Variants in CEP78 observed in about 807,000 individuals in gnomAD.
CEP78 encodes the protein centrosomal protein 78, also known as centrosomal protein of 78 kDa.
In CEP78, 76 loss-of-function variants were observed where a neutral mutation model predicts 81.2. The observed-to-expected ratio is 0.94, with a 90% CI of 0.78 to 1.13. The LOEUF (loss-of-function observed/expected upper bound fraction) is 1.13. Among genes scored for constraint, CEP78 ranks in the 50% most tolerant of loss-of-function variants. The pLI is 0.00. For synonymous variants in CEP78, 293 were observed against 301.4 expected (o/e 0.97, Z 0.29); for missense variants, 918 against 846.8 (o/e 1.08, Z -1.04).
Position 78,278,318 on chromosome 9 carries a change from C to A in CEP78, c.*7467C>A, listed in dbSNP as rs1279058019. The A allele has an allele frequency of 6.6e-6, 1 of 152,198 alleles. No individual in the cohort carries two copies. The highest frequency in any genetic ancestry group is 1.5e-5 in the Non-Finnish European group (1 of 68,030). The allele number at this position is 152,198 out of a possible 1,614,324, so 9.4% of individuals were successfully genotyped here. A position where few individuals can be genotyped will look rare whatever the true frequency, so the allele number is the denominator to read the frequency against. ...ATGAAAATGAGCTTTGCTACATAAC[C>A]TCTTTTCAGAGCTTTGTATTCCTGA... On this transcript the variant is annotated 3_prime_UTR_variant, in exon 17 of 17. Transcript: ENST00000643273.
rs1250613900 is a variant in CEP78, at chr9:78,275,593, G to A, written c.*4742G>A. 4.1e-5 allele frequency: 5 copies of A among 123,256 alleles called. No homozygotes were observed. The highest frequency in any genetic ancestry group is 9.6e-5 in the Admixed American group (1 of 10,422). 7.6% of individuals were successfully genotyped at this position (123,256 alleles called of 1,614,324 possible). Reference sequence around the variant, plus strand: ...GCACTCTAGCCTGGGAGACAAGAGGGAAACTCTGTCTCCAAAAAAAAAAAA... The same window carrying A: ...GCACTCTAGCCTGGGAGACAAGAGGAAAACTCTGTCTCCAAAAAAAAAAAA... On this transcript the variant is annotated 3_prime_UTR_variant, in exon 17 of 17. Coordinates refer to ENST00000643273, the MANE Select transcript of CEP78 (RefSeq NM_001330691.3).
rs1372113471 is a variant in CEP78, at chr9:78,275,862, G to A, written c.*5011G>A. ...CTCAGGAGGCTGAAGTGGGAGGATC[G>A]CTTGAGGCCGGGATTCGAGGCTGCA... is the stretch of plus-strand genomic sequence containing the variant. On this transcript the variant is annotated 3_prime_UTR_variant, in exon 17 of 17. Coordinates refer to ENST00000643273, the MANE Select transcript of CEP78 (RefSeq NM_001330691.3). The A allele has an allele frequency of 3.3e-5, 5 of 152,258 alleles. No homozygotes were observed. Among genetic ancestry groups the A allele is most frequent in the Non-Finnish European group, 7.3e-5 (5 of 68,206 alleles). The allele number at this position is 152,258 out of a possible 1,614,324, so 9.4% of individuals were successfully genotyped here. A position where few individuals can be genotyped will look rare whatever the true frequency, so the allele number is the denominator to read the frequency against.
rs1432750381 is a variant in CEP78, at chr9:78,275,121, A to G, written c.*4270A>G. 1.3e-5 allele frequency: 2 copies of G among 152,222 alleles called. No individual in the cohort carries two copies. Among genetic ancestry groups the G allele is most frequent in the African/African-American group, 2.4e-5 (1 of 41,466 alleles). 9.4% of individuals were successfully genotyped at this position (152,222 alleles called of 1,614,324 possible). A position where few individuals can be genotyped will look rare whatever the true frequency, so the allele number is the denominator to read the frequency against. On this transcript the variant is annotated 3_prime_UTR_variant, in exon 17 of 17. Coordinates refer to ENST00000643273, the MANE Select transcript of CEP78 (RefSeq NM_001330691.3). ...TTTTAGAAGGATACCTACAACTAGA[A>G]GAGATATTTTTAATTATGAGCACTT...
rs1318988091 is a variant in CEP78 at position 78,240,035 on chromosome 9, A to G, written c.266A>G (p.Asn89Ser). 2.5e-6 allele frequency: 4 copies of G among 1,574,926 alleles called. No homozygotes were observed. The highest frequency in any genetic ancestry group is 2.6e-6 in the Non-Finnish European group (3 of 1,168,886). ...ATCTTTGTTTTAGGTTCTGACATGA[A>G]TAAATTTTGCAGAAGTCGTGTTCCT... is the stretch of plus-strand genomic sequence containing the variant. ...PWLGDTGSDM[N>S]KFCRSRVPAI... is the part of the protein sequence containing the mutation. The change falls in exon 2 of 17, where the codon AAT (asparagine) becomes AGT (serine). Residue 89 changes from asparagine (N) to serine (S), a missense_variant. Asn to Ser is a conservative substitution (Grantham distance 46). Coordinates refer to ENST00000643273, the MANE Select transcript of CEP78 (RefSeq NM_001330691.3).
intron 13 of CEP78, among the ~76,000 whole-genome samples, chr9:78,264,821 T>C (rs1296755689): frequency 6.6e-6 from 1 of 152,200 alleles, no homozygotes; most frequent in Non-Finnish European, 1.5e-5. Context: ...GTTTGAGATA[T>C]TAAAATTGTT....
At position 78,246,661 on chromosome 9, in the gene CEP78, A is replaced by G. The variant is rs1040280976; in HGVS notation, c.779-8A>G. On this transcript the variant is annotated splice_polypyrimidine_tract_variant and splice_region_variant and intron_variant, in intron 5 of 16. Transcript: ENST00000643273. ...ATTAGCAAGTGACCCTTTGTCTTTC[A>G]TCGAAAGCTCTTGACCTGCAACAGT... is the stretch of plus-strand genomic sequence containing the variant. 7 of 1,562,670 alleles carry G rather than the reference A, an allele frequency of 4.5e-6. No homozygotes were observed. Among genetic ancestry groups the G allele is most frequent in the Admixed American group, 2.0e-5 (1 of 50,048 alleles).
chr9:78,271,127 A>G lies in CEP78; in HGVS notation c.*276A>G, dbSNP rs1382540830. The G allele has an allele frequency of 3.0e-6, 1 of 330,314 alleles. No homozygotes were observed. The highest frequency in any genetic ancestry group is 5.5e-6 in the Non-Finnish European group (1 of 183,356). 20.5% of individuals were successfully genotyped at this position (330,314 alleles called of 1,614,324 possible). Reference sequence around the variant, plus strand: ...CAAAATGGCTCCGAAGAGGAACTGAAGTTAAGCTGCCCACATGATCTCTCT... The same window carrying G: ...CAAAATGGCTCCGAAGAGGAACTGAGGTTAAGCTGCCCACATGATCTCTCT... On this transcript the variant is annotated 3_prime_UTR_variant, in exon 17 of 17. Coordinates refer to ENST00000643273, the MANE Select transcript of CEP78 (RefSeq NM_001330691.3).
intron 11 of CEP78, among the ~76,000 whole-genome samples, chr9:78,259,804 C>G (rs1827194437): frequency 6.6e-6 from 1 of 152,022 alleles, no homozygotes; most frequent in African/African-American, 2.4e-5. Flanking sequence ...ATCTGAATTT[C>G]CAAAAAATAA....
chr9:78,240,065 T>A lies in CEP78; in HGVS notation c.296T>A (p.Ile99Lys), dbSNP rs887687984. 6.9e-6 allele frequency: 11 copies of A among 1,584,228 alleles called. No homozygotes were observed. Among genetic ancestry groups the A allele is most frequent in the Non-Finnish European group, 8.5e-6 (10 of 1,173,112 alleles). The change falls in exon 2 of 17, where the codon ATA becomes AAA. Residue 99 changes from isoleucine (I) to lysine (K), a missense_variant. Transcript: ENST00000643273. ...TTTTGCAGAAGTCGTGTTCCTGCGA[T>A]AAGATACAAAGATGTGACCTTCCAG... ...NKFCRSRVPA[I>K]RYKDVTFQLC... is the part of the protein sequence containing the mutation.
intron 2 of CEP78, 34 bp from the exon 3 acceptor site, chr9:78,240,258 C>T (rs1289176334): frequency 6.2e-7 from 1 of 1,611,086 alleles, no homozygotes; most frequent in South Asian, 1.1e-5. Flanking sequence ...AAAAAAACCT[C>T]AATAACATTT....
chr9:78,259,569 C>T (rs982882059), intron 11 of CEP78, among the ~76,000 whole-genome samples: 1 of 152,172 alleles, frequency 6.6e-6, no homozygotes, highest in Non-Finnish European at 1.5e-5. Context: ...ATTTTAAGCT[C>T]TTCTCTACTA....
At chr9:78,252,284 T>C (rs1368215105) in intron 9 of CEP78, among the ~76,000 whole-genome samples, 1 of 152,216 alleles carries the variant, frequency 6.6e-6, no homozygotes, top group Non-Finnish European at 1.5e-5. Flanking sequence ...ACTGAAATTA[T>C]CTCCAATTGT....
chr9:78,266,827 C>T lies in CEP78; in HGVS notation c.2107+124C>T, dbSNP rs962938744. ...GAAACTAGTTCTTTGGTTAATGAAC[C>T]AATTAAAAGTAGGTCTTTGAAAAAA... On this transcript the variant is annotated intron_variant, in intron 16 of 16. Transcript: ENST00000643273. The T allele has an allele frequency of 2.0e-5, 29 of 1,472,376 alleles. No individual in the cohort carries two copies. The African/African-American group carries it at 3.6e-4, about 18-fold the overall frequency. The allele number at this position is 1,472,376 out of a possible 1,614,324, so 91.2% of individuals were successfully genotyped here. A position where few individuals can be genotyped will look rare whatever the true frequency, so the allele number is the denominator to read the frequency against.
intron 1 of CEP78, among the ~76,000 whole-genome samples, chr9:78,236,963 C>A (rs1360248116): frequency 1.9e-5 from 2 of 104,294 alleles, no homozygotes; most frequent in Admixed American, 1.1e-4. Flanking sequence ...ACATGTCAGC[C>A]TTTGTCTTTT....
rs1335861243 is a variant in CEP78, at chr9:78,271,616, CA to C, written c.*766del. 2.0e-5 allele frequency: 3 copies of C among 152,070 alleles called. No individual in the cohort carries two copies. The highest frequency in any genetic ancestry group is 7.2e-5 in the African/African-American group (3 of 41,428). 9.4% of individuals were successfully genotyped at this position (152,070 alleles called of 1,614,324 possible). A position where few individuals can be genotyped will look rare whatever the true frequency, so the allele number is the denominator to read the frequency against. ...TATTAATTGGTCTTAGACGTTTCAT[CA>C]GCAACTTAATTACTTAGAAAAAATC... On this transcript the variant is annotated 3_prime_UTR_variant, in exon 17 of 17. Transcript: ENST00000643273.
chr9:78,270,801 A>G (rs1339180666), intron 16 of CEP78, 40 bp from the exon 17 acceptor site: 23 of 668,460 alleles, frequency 3.4e-5, no homozygotes, highest in African/African-American at 3.7e-5. Flanking sequence ...ATGCTGGAAC[A>G]TTAACATGGA....
At chr9:78,259,946 A>G (rs1446529398) in intron 11 of CEP78, among the ~76,000 whole-genome samples, 1 of 152,252 alleles carries the variant, frequency 6.6e-6, no homozygotes, top group Non-Finnish European at 1.5e-5. Flanking sequence ...TAACACACAC[A>G]TAAATCTTAT....
Position 78,254,867 on chromosome 9 carries a change from A to G in CEP78, c.1283A>G (p.Glu428Gly), listed in dbSNP as rs1826939575. ...QPGFPVTVTV[E>G]SPSSSEVEEV... Reference sequence around the variant, plus strand: ...GGTTTTCCTGTGACTGTGACAGTAGAGAGTCCTTCATCCTCTGAAGTTGAA... The same window carrying G: ...GGTTTTCCTGTGACTGTGACAGTAGGGAGTCCTTCATCCTCTGAAGTTGAA... The change falls in exon 11 of 17, where the codon GAG becomes GGG. Residue 428 changes from glutamate (E) to glycine (G), a missense_variant. Coordinates refer to ENST00000643273, the MANE Select transcript of CEP78 (RefSeq NM_001330691.3). 3 of 1,611,576 alleles carry G rather than the reference A, an allele frequency of 1.9e-6. No individual in the cohort carries two copies. Among genetic ancestry groups the G allele is most frequent in the Admixed American group, 1.7e-5 (1 of 59,962 alleles).
intron 16 of CEP78, among the ~76,000 whole-genome samples, chr9:78,269,232 T>C (rs1025439920): frequency 2.6e-5 from 4 of 152,096 alleles, no homozygotes; most frequent in Non-Finnish European, 5.9e-5. Context: ...TTATGGGAAG[T>C]AAGGAAAAAA....
Sources: gnomAD v4.1 joint callset for allele counts (sites outside exome capture counted in the v4.1 genomes callset) on GRCh38, gnomAD v4.1.1 for gene constraint, MANE v1.5 for transcripts, NCBI Gene and HGNC (gene_info 2026-07-23, HGNC 2026-07-21) for gene names.